Variants in FUT9 observed in about 807,000 individuals in gnomAD.
FUT9 encodes the protein fucosyltransferase 9.
In FUT9, 15 loss-of-function variants were observed where a neutral mutation model predicts 29.7. The observed-to-expected ratio is 0.51, with a 90% CI of 0.34 to 0.78. FUT9 has a LOEUF of 0.78. FUT9 is among the 30% of genes least tolerant of loss of function. The pLI, the probability that FUT9 is intolerant of heterozygous loss-of-function variation, is 0.01. For missense variants in FUT9, 319 were observed against 425.4 expected, an observed-to-expected ratio of 0.75 and a Z score of 2.20; for synonymous variants, 169 against 153.7, an observed-to-expected ratio of 1.10 and a Z score of -0.74.
chr6:96,046,353 C>T (rs1315228247), intron 1 of FUT9, among the ~76,000 whole-genome samples: 1 of 152,066 alleles, frequency 6.6e-6, no homozygotes, highest in East Asian at 1.9e-4. Flanking sequence ...TTGCATGTCA[C>T]TGAATTGATT....
At chr6:96,171,014 G>A (rs943092442) in intron 2 of FUT9, among the ~76,000 whole-genome samples, 7 of 152,094 alleles carry the variant, frequency 4.6e-5, no homozygotes, top group African/African-American at 1.7e-4. Context: ...TTGAAAGCAG[G>A]GTCTGAGACA....
intron 1 of FUT9, among the ~76,000 whole-genome samples, chr6:96,039,175 A>G (rs1224484879): frequency 1.3e-5 from 2 of 152,060 alleles, no homozygotes; most frequent in African/African-American, 4.8e-5. Context: ...GCAGATGTTT[A>G]TTCAATTGAA....
chr6:96,046,635 G>A (rs1770568435), intron 1 of FUT9, among the ~76,000 whole-genome samples: 2 of 152,018 alleles, frequency 1.3e-5, no homozygotes, highest in South Asian at 2.1e-4. Flanking sequence ...TGTATTTCAT[G>A]CCCCTTCCCA....
intron 2 of FUT9, among the ~76,000 whole-genome samples, chr6:96,199,894 A>G (rs1773697529): frequency 6.6e-6 from 1 of 152,168 alleles, no homozygotes; most frequent in African/African-American, 2.4e-5. Context: ...ATAAGGATAC[A>G]GCAGTGAAGA....
intron 1 of FUT9, among the ~76,000 whole-genome samples, chr6:96,074,774 T>C (rs1334892652): frequency 6.6e-6 from 1 of 152,066 alleles, no homozygotes; most frequent in Non-Finnish European, 1.5e-5. Flanking sequence ...TTAGTTTTAA[T>C]TTAATTATTG....
intron 2 of FUT9, among the ~76,000 whole-genome samples, chr6:96,193,551 C>T (rs1431620930): frequency 6.6e-6 from 1 of 151,680 alleles, no homozygotes; most frequent in East Asian, 2.0e-4. Context: ...AATCAGGAAA[C>T]AACAAGTGCT....
At chr6:96,144,842 G>A (rs1446103704) in intron 2 of FUT9, among the ~76,000 whole-genome samples, 3 of 151,806 alleles carry the variant, frequency 2.0e-5, no homozygotes, top group Non-Finnish European at 4.4e-5. Flanking sequence ...TTATGGGAGA[G>A]GTATTTTATT....
In FUT9 at chr6:96,103,224, C is replaced by T. The variant is rs996004325; in HGVS notation, c.-97-10815C>T. On this transcript the variant is annotated intron_variant, in intron 1 of 2. Transcript: ENST00000302103. ...GCAAATACACACACACAAACATATA[C>T]GCGCGTGTGTGTATATGCATATGTA... Among the ~76,000 whole-genome samples, 9 of 152,154 alleles carry T rather than the reference C, an allele frequency of 5.9e-5. No individual in the cohort carries two copies. In the South Asian group the frequency reaches 6.2e-4, roughly 11 times the overall value.
chr6:96,193,961 C>T (rs376302170), intron 2 of FUT9, among the ~76,000 whole-genome samples: 3 of 152,238 alleles, frequency 2.0e-5, no homozygotes, highest in Non-Finnish European at 2.9e-5. Flanking sequence ...GGGCGAAAAA[C>T]CAAACACTGC....
intron 1 of FUT9, among the ~76,000 whole-genome samples, chr6:96,019,238 A>G (rs1770029412): frequency 2.0e-5 from 3 of 152,150 alleles, no homozygotes; most frequent in Admixed American, 2.0e-4. Flanking sequence ...AAATTATAAT[A>G]ATAGATAAAG....
At chr6:96,094,741 AT>A (rs1280969086) in intron 1 of FUT9, among the ~76,000 whole-genome samples, 1 of 152,134 alleles carries the variant, frequency 6.6e-6, no homozygotes, top group Non-Finnish European at 1.5e-5. Flanking sequence ...TAGGGAAGCT[AT>A]TCTTGGAAAC....
chr6:96,052,874 T>A (rs1173954469), intron 1 of FUT9, among the ~76,000 whole-genome samples: 1 of 152,088 alleles, frequency 6.6e-6, no homozygotes, highest in African/African-American at 2.4e-5. Flanking sequence ...AAGGGAAAGC[T>A]TAGAAAGCAA....
rs999406808 is a variant in FUT9 at position 96,210,785 on chromosome 6, G to A, written c.*6550G>A. On this transcript the variant is annotated 3_prime_UTR_variant, in exon 3 of 3. Coordinates refer to ENST00000302103, the MANE Select transcript of FUT9 (RefSeq NM_006581.4). ...TGTCTGATAGGTAATTTGCAATTGA[G>A]ATATGGCAAAGAATTGTAGCATCCA... The A allele has an allele frequency of 6.0e-6, 1 of 166,810 alleles. No individual in the cohort carries two copies. The highest frequency in any genetic ancestry group is 1.5e-5 in the Non-Finnish European group (1 of 67,996). The allele number at this position is 166,810 out of a possible 1,614,324, so 10.3% of individuals were successfully genotyped here. A position where few individuals can be genotyped will look rare whatever the true frequency, so the allele number is the denominator to read the frequency against.
chr6:96,075,974 A>G (rs762516172), intron 1 of FUT9, among the ~76,000 whole-genome samples: 27 of 152,164 alleles, frequency 1.8e-4, no homozygotes, highest in Admixed American at 6.5e-4. Flanking sequence ...CATACCAGAA[A>G]GGATAGTTAC....
intron 2 of FUT9, among the ~76,000 whole-genome samples, chr6:96,127,781 A>T (rs1253529874): frequency 3.9e-5 from 6 of 151,940 alleles, no homozygotes; most frequent in Non-Finnish European, 8.8e-5. Flanking sequence ...CTCTAATGTG[A>T]TGTTGAGCAT....
chr6:96,132,221 G>A (rs1185273408), intron 2 of FUT9, among the ~76,000 whole-genome samples: 1 of 151,780 alleles, frequency 6.6e-6, no homozygotes, highest in African/African-American at 2.4e-5. Context: ...TGGGAGATAG[G>A]AATTCTTTTC....
chr6:96,077,351 T>G (rs1027291311), intron 1 of FUT9, among the ~76,000 whole-genome samples: 1 of 152,194 alleles, frequency 6.6e-6, no homozygotes, highest in Admixed American at 6.5e-5. Flanking sequence ...TTCTCTACTA[T>G]TCTTTCTTAT....
chr6:96,036,572 A>G (rs1312047272), intron 1 of FUT9: 2 of 151,922 alleles, frequency 1.3e-5, no homozygotes, highest in Admixed American at 6.6e-5. Flanking sequence ...TAACTTCCCC[A>G]TAACATGTAC....
chr6:96,174,404 A>T (rs1773167569), intron 2 of FUT9, among the ~76,000 whole-genome samples: 1 of 152,210 alleles, frequency 6.6e-6, no homozygotes, highest in Admixed American at 6.5e-5. Flanking sequence ...GGACAGAATC[A>T]AATTAAATGA....
Sources: gnomAD v4.1 joint callset for allele counts (sites outside exome capture counted in the v4.1 genomes callset) on GRCh38, gnomAD v4.1.1 for gene constraint, MANE v1.5 for transcripts, NCBI Gene and HGNC (gene_info 2026-07-23, HGNC 2026-07-21) for gene names.